The following MAP3K20 variants were observed in gnomAD, a reference collection of about 807,000 sequenced individuals.
The protein encoded by MAP3K20 is mitogen-activated protein kinase kinase kinase 20, also known as HCCS-4.
In MAP3K20, 40 loss-of-function variants were observed where a neutral mutation model predicts 85.7. The ratio of observed to expected loss-of-function variants is 0.47; its 90% confidence interval spans 0.36 to 0.61. The LOEUF (loss-of-function observed/expected upper bound fraction) is 0.61. Ranked by LOEUF, MAP3K20 falls within the 20% of genes least tolerant of loss-of-function variation. The pLI is 0.00. For synonymous variants in MAP3K20, 325 were observed against 327.7 expected, an observed-to-expected ratio of 0.99 and a Z score of 0.09; for missense variants, 817 against 961.7, an observed-to-expected ratio of 0.85 and a Z score of 1.99.
intron 2 of MAP3K20, among the ~76,000 whole-genome samples, chr2:173,153,992 C>G (rs1214337558): frequency 1.3e-5 from 2 of 151,982 alleles, no homozygotes; most frequent in Non-Finnish European, 2.9e-5. Context: ...TGTTTGTTTT[C>G]TTGCTTTTTA....
chr2:173,219,615 C>G (rs1050955259), intron 11 of MAP3K20, among the ~76,000 whole-genome samples: 3 of 152,076 alleles, frequency 2.0e-5, no homozygotes, highest in Admixed American at 6.5e-5. Flanking sequence ...ATCCTGTTTC[C>G]AATGTTTAAA....
intron 1 of MAP3K20, chr2:173,090,548 T>G: frequency 6.7e-6 from 6 of 892,176 alleles, no homozygotes; most frequent in Non-Finnish European, 8.1e-6. Context: ...CTCGGTGGCT[T>G]AGGTTGTGTA....
intron 16 of MAP3K20, among the ~76,000 whole-genome samples, chr2:173,246,351 A>G (rs17691367): frequency 0.042 from 6,432 of 152,260 alleles, 201 homozygotes; most frequent in South Asian, 0.11. Context: ...TTGTTTTTGC[A>G]ATCAAAGTGC....
chr2:173,204,035 AATCTTG>A (rs751376885), intron 9 of MAP3K20, among the ~76,000 whole-genome samples, 165 bp downstream of exon 9: 82 of 152,336 alleles, frequency 5.4e-4, no homozygotes, highest in Non-Finnish European at 1.0e-3. Context: ...CATTCTGCTT[AATCTTG>A]ATCTCTAGAG....
chr2:173,201,954 TC>T (rs1691079950), intron 8 of MAP3K20, among the ~76,000 whole-genome samples: 1 of 152,166 alleles, frequency 6.6e-6, no homozygotes, highest in Non-Finnish European at 1.5e-5. Context: ...ATGATCATCC[TC>T]CATATTCAGC....
chr2:173,257,579 T>C (rs1030462251), intron 16 of MAP3K20, among the ~76,000 whole-genome samples: 3 of 152,360 alleles, frequency 2.0e-5, no homozygotes, highest in African/African-American at 7.2e-5. Flanking sequence ...GATGGACACT[T>C]GGCTAGTTTC....
At chr2:173,090,058 C>G (rs914620170) in intron 1 of MAP3K20, among the ~76,000 whole-genome samples, 29 of 152,190 alleles carry the variant, frequency 1.9e-4, no homozygotes, top group Non-Finnish European at 3.7e-4. Context: ...GTATAAACCA[C>G]ATAAAATAGT....
chr2:173,235,743 C>T (rs947656643), intron 14 of MAP3K20, among the ~76,000 whole-genome samples: 1 of 152,066 alleles, frequency 6.6e-6, no homozygotes. Flanking sequence ...TGAATTTCAC[C>T]TCATTAAAAA....
At chr2:173,238,799 T>C (rs181899280) in intron 15 of MAP3K20, among the ~76,000 whole-genome samples, 104 of 152,320 alleles carry the variant, frequency 6.8e-4, no homozygotes, top group Middle Eastern at 6.8e-3. Context: ...TCAACTTTCA[T>C]AGGGGATGGG....
In MAP3K20 at chr2:173,209,772, T is replaced by C. The variant is rs752408367; in HGVS notation, c.788T>C (p.Met263Thr). Reference sequence around the variant, plus strand: ...CAAATCATTTCAATCCTGGAGTCCATGTCAAATGACACGAGCCTTCCTGAC... The same window carrying C: ...CAAATCATTTCAATCCTGGAGTCCACGTCAAATGACACGAGCCTTCCTGAC... ...FKQIISILES[M>T]SNDTSLPDKC... The change falls in exon 10 of 20, where the codon ATG becomes ACG. Residue 263 changes from methionine (M) to threonine (T), a missense_variant. Transcript: ENST00000375213. The C allele has an allele frequency of 6.8e-6, 11 of 1,613,676 alleles. No homozygotes were observed. The highest frequency in any genetic ancestry group is 5.3e-5 in the African/African-American group (4 of 74,910).
At chr2:173,107,272 A>C (rs1687808767) in intron 2 of MAP3K20, among the ~76,000 whole-genome samples, 1 of 152,194 alleles carries the variant, frequency 6.6e-6, no homozygotes, top group Admixed American at 6.5e-5. Flanking sequence ...AACAGCAGCT[A>C]TTGCGAGGGC....
intron 11 of MAP3K20, chr2:173,223,046 T>C: frequency 1.0e-6 from 1 of 985,474 alleles, no homozygotes; most frequent in Non-Finnish European, 1.2e-6. Context: ...ACAGTATTTC[T>C]AACTATATTT....
At chr2:173,197,086 G>A (rs1359634587) in intron 7 of MAP3K20, among the ~76,000 whole-genome samples, 1 of 152,058 alleles carries the variant, frequency 6.6e-6, no homozygotes, top group African/African-American at 2.4e-5. Context: ...CTCAATAAGC[G>A]GTGGTGGTTT....
chr2:173,200,549 T>C (rs979267205), intron 8 of MAP3K20, among the ~76,000 whole-genome samples: 2 of 152,238 alleles, frequency 1.3e-5, no homozygotes, highest in Admixed American at 1.3e-4. Flanking sequence ...CTATAATATC[T>C]ATATCCAAGT....
At chr2:173,101,526 A>G (rs1451825828) in intron 2 of MAP3K20, among the ~76,000 whole-genome samples, 1 of 152,208 alleles carries the variant, frequency 6.6e-6, no homozygotes, top group African/African-American at 2.4e-5. Context: ...CAATTAACGT[A>G]TTTCAGTAAA....
At chr2:173,167,062 G>A (rs1689851106) in intron 2 of MAP3K20, among the ~76,000 whole-genome samples, 2 of 151,842 alleles carry the variant, frequency 1.3e-5, no homozygotes, top group Admixed American at 6.6e-5. Context: ...ACAGGCGCCC[G>A]CTACCACGCC....
At chr2:173,261,241 C>A in intron 18 of MAP3K20, 104 bp downstream of exon 18, 1 of 1,206,614 alleles carries the variant, frequency 8.3e-7, no homozygotes, top group Non-Finnish European at 1.2e-6. Flanking sequence ...ATACCCAGAG[C>A]ATATAATTTA....
chr2:173,103,746 G>T (rs1167336158), intron 2 of MAP3K20, among the ~76,000 whole-genome samples: 2 of 152,074 alleles, frequency 1.3e-5, no homozygotes, highest in Admixed American at 6.5e-5. Context: ...TAATAGAACT[G>T]CAGATACCAC....
chr2:173,115,980 G>A (rs531554759), intron 2 of MAP3K20, among the ~76,000 whole-genome samples: 4 of 151,106 alleles, frequency 2.6e-5, no homozygotes, highest in Non-Finnish European at 5.9e-5. Flanking sequence ...AAGCAAGCAT[G>A]TCTTACCAGG....
Sources: gnomAD v4.1 joint callset for allele counts (sites outside exome capture counted in the v4.1 genomes callset) on GRCh38, gnomAD v4.1.1 for gene constraint, MANE v1.5 for transcripts, NCBI Gene and HGNC (gene_info 2026-07-23, HGNC 2026-07-21) for gene names.